The following DIPK2B variants were observed in gnomAD, a reference collection of about 807,000 sequenced individuals.
DIPK2B encodes divergent protein kinase domain 2B, also known as UPF0672 protein CXorf36.
In DIPK2B, 15 loss-of-function variants were observed where a neutral mutation model predicts 22.2. That is an observed-to-expected ratio of 0.68 (90% CI 0.45 to 1.04). The LOEUF (loss-of-function observed/expected upper bound fraction) is 1.04, where lower values mean the gene tolerates loss of function less well. Ranked by LOEUF, DIPK2B falls within the 50% of genes least tolerant of loss-of-function variation. The pLI is 0.00. For missense variants in DIPK2B, 345 were observed against 348.3 expected (o/e 0.99, Z 0.08); for synonymous variants, 163 against 153.2 (o/e 1.06, Z -0.47).
rs2046956057 is a variant in DIPK2B at position 45,150,717 on chromosome X, C to T, written c.*935G>A. On this transcript the variant is annotated 3_prime_UTR_variant, in exon 5 of 5. Transcript: ENST00000398000. ...GGGCTCTTCTGATGGCTGCCTTTGTCTTGAGGACACCCTGACAGCCTTGCT... is the reference window on the plus strand; with the variant it reads ...GGGCTCTTCTGATGGCTGCCTTTGTTTTGAGGACACCCTGACAGCCTTGCT... The T allele has an allele frequency of 9.0e-6, 1 of 111,307 alleles. No individual in the cohort carries two copies. Among genetic ancestry groups the T allele is most frequent in the Non-Finnish European group, 1.9e-5 (1 of 53,012 alleles). The allele number at this position is 111,307 out of a possible 1,213,427, so 9.2% of individuals were successfully genotyped here. A position where few individuals can be genotyped will look rare whatever the true frequency, so the allele number is the denominator to read the frequency against.
intron 2 of DIPK2B, among the ~76,000 whole-genome samples, chrX:45,160,311 C>T (rs1240128784): frequency 9.1e-5 from 10 of 110,435 alleles, no homozygotes; most frequent in African/African-American, 3.3e-4. Flanking sequence ...AGGTTCAAGC[C>T]ATTCTCTTGG....
chrX:45,173,774 T>C (rs1039896695), intron 2 of DIPK2B, among the ~76,000 whole-genome samples: 1 of 109,897 alleles, frequency 9.1e-6, no homozygotes, highest in Admixed American at 9.8e-5. Flanking sequence ...TCTTGCTATG[T>C]TGCCCAGGCT....
chrX:45,167,572 C>A (rs1366942100), intron 2 of DIPK2B, among the ~76,000 whole-genome samples: 1 of 97,069 alleles, frequency 1.0e-5, no homozygotes, highest in Non-Finnish European at 2.1e-5. Context: ...AATTTTTTTT[C>A]TTTTACTAAA....
chrX:45,151,828 A>C lies in DIPK2B; in HGVS notation c.1126T>G (p.Ser376Ala). 2 of 1,211,685 alleles carry C rather than the reference A, an allele frequency of 1.7e-6. No individual in the cohort carries two copies. Among genetic ancestry groups the C allele is most frequent in the Non-Finnish European group, 2.2e-6 (2 of 895,338 alleles). Residue 376 changes from serine to alanine, a missense_variant, in exon 5 of 5, where the codon TCC (serine) becomes GCC (alanine). Coordinates refer to ENST00000398000, the MANE Select transcript of DIPK2B (RefSeq NM_176819.4). ...GAGTCTATGTCGTCTTGCACTGGGG[A>C]GGGGAACCTCCCCTGGAGAAGTCGA... ...LPRLLQGRFP[S>A]PVQDDIDSIL...
chrX:45,179,596 G>A (rs1251707947), intron 2 of DIPK2B, among the ~76,000 whole-genome samples: 3 of 111,655 alleles, frequency 2.7e-5, no homozygotes, highest in African/African-American at 9.7e-5. Flanking sequence ...AGACATTCTA[G>A]AAATGCAAAA....
intron 1 of DIPK2B, among the ~76,000 whole-genome samples, chrX:45,196,951 G>A (rs1411756247): frequency 8.9e-6 from 1 of 112,083 alleles, no homozygotes; most frequent in Admixed American, 9.4e-5. Context: ...GGCAGTATGT[G>A]ATTCATCCTT....
Position 45,200,740 on chromosome X carries a change from A to G in DIPK2B, c.87T>C (p.Ser29=), listed in dbSNP as rs145079112. The part of the protein sequence containing the change: ...LLLWVSALSC[S]FSLPASSLSS... Reference sequence around the variant, plus strand: ...AAAGGGAAGAAGCTGGCAAGGAGAAAGAACAGCTCAGGGCTGAGACCCACA... The same window carrying G: ...AAAGGGAAGAAGCTGGCAAGGAGAAGGAACAGCTCAGGGCTGAGACCCACA... The change falls in exon 1 of 5, where the codon TCT becomes TCC. Residue 29 remains serine (S), a synonymous_variant. Coordinates refer to ENST00000398000, the MANE Select transcript of DIPK2B (RefSeq NM_176819.4). 44 of 1,210,631 alleles carry G rather than the reference A, an allele frequency of 3.6e-5. No individual in the cohort carries two copies. Among genetic ancestry groups the G allele is most frequent in the Non-Finnish European group, 4.6e-5 (41 of 895,123 alleles).
chrX:45,180,997 G>A (rs1162325997), intron 2 of DIPK2B, among the ~76,000 whole-genome samples: 5 of 111,810 alleles, frequency 4.5e-5, no homozygotes, highest in Non-Finnish European at 9.4e-5. Context: ...ACTGTGGAAA[G>A]CAAAACCAGG....
In DIPK2B at chrX:45,200,773, G is replaced by GGCCA. The variant is rs748295828; in HGVS notation, c.50_53dup (p.Leu19GlyfsTer41). The GGCCA allele has an allele frequency of 8.3e-7, 1 of 1,209,016 alleles. No individual in the cohort carries two copies. The highest frequency in any genetic ancestry group is 3.0e-5 in the East Asian group (1 of 33,714). ...TCAGGGCTGAGACCCACAGCAGCAG[G>GGCCA]GCCAGCCAGCCAGGGCGGAGGGCGG... On this transcript the variant is annotated frameshift_variant, in exon 1 of 5. Coordinates refer to ENST00000398000, the MANE Select transcript of DIPK2B (RefSeq NM_176819.4). LOFTEE classifies it high-confidence loss of function.
In DIPK2B at chrX:45,154,118, T is replaced by A. The variant is rs1007682290; in HGVS notation, c.753A>T (p.Arg251Ser). The A allele has an allele frequency of 8.3e-7, 1 of 1,210,835 alleles. No individual in the cohort carries two copies. The highest frequency in any genetic ancestry group is 1.1e-6 in the Non-Finnish European group (1 of 895,144). ...GTGCATCATAGAATTCCTGCAGCGG[T>A]CTGGTGCTGGTGCTGACGAGGAATC... ...CGRFLVSTST[R>S]PLQEFYDAPP... is the part of the protein sequence containing the mutation. Residue 251 changes from arginine (R) to serine (S), a missense_variant, in exon 4 of 5, where the codon AGA (arginine) becomes AGT (serine). Arg to Ser is a moderately radical substitution (Grantham distance 110). Coordinates refer to ENST00000398000, the MANE Select transcript of DIPK2B (RefSeq NM_176819.4).
At position 45,152,329 on chromosome X, in the gene DIPK2B, G is replaced by A. The variant is rs528523861; in HGVS notation, c.962-337C>T. Among the ~76,000 whole-genome samples, 92 of 105,635 alleles carry A rather than the reference G, an allele frequency of 8.7e-4. No individual in the cohort carries two copies. The South Asian group carries it at 0.03, about 34-fold the overall frequency. 91.7% of individuals were successfully genotyped at this position (105,635 alleles called of 115,157 possible). On this transcript the variant is annotated intron_variant, in intron 4 of 4. Transcript: ENST00000398000. Reference sequence around the variant, plus strand: ...GCCAAGATTGCACCACTGCACTCCAGCCTGGGTGACAGAGCGAAAAGCCAT... The same window carrying A: ...GCCAAGATTGCACCACTGCACTCCAACCTGGGTGACAGAGCGAAAAGCCAT...
At chrX:45,183,433 T>C (rs941413483) in intron 2 of DIPK2B, 1 of 112,241 alleles carries the variant, frequency 8.9e-6, no homozygotes, top group African/African-American at 3.2e-5. Flanking sequence ...AGAAAAGGCA[T>C]GAAAATCCAT....
chrX:45,166,820 TAAG>T (rs2047051435), intron 2 of DIPK2B, among the ~76,000 whole-genome samples: 2 of 112,491 alleles, frequency 1.8e-5, no homozygotes, highest in South Asian at 3.7e-4. Flanking sequence ...CCCGTCTCAG[TAAG>T]AAGGTTTTCC....
At chrX:45,173,825 C>A (rs2047101061) in intron 2 of DIPK2B, among the ~76,000 whole-genome samples, 1 of 110,905 alleles carries the variant, frequency 9.0e-6, no homozygotes, top group Non-Finnish European at 1.9e-5. Context: ...CCCGCCTTGG[C>A]CTCCCAAAGT....
intron 2 of DIPK2B, among the ~76,000 whole-genome samples, chrX:45,158,666 C>T (rs1184404775): frequency 5.4e-5 from 6 of 111,253 alleles, no homozygotes; most frequent in Admixed American, 1.9e-4. Context: ...AAGAACAAGG[C>T]CCTGAGGCCA....
At chrX:45,157,951 G>A (rs1347409090) in intron 2 of DIPK2B, 63 bp from the exon 3 acceptor site, 6 of 657,249 alleles carry the variant, frequency 9.1e-6, no homozygotes, top group African/African-American at 2.6e-5. Flanking sequence ...CTTGTGGGGG[G>A]TTAGCAGGAG....
intron 2 of DIPK2B, among the ~76,000 whole-genome samples, chrX:45,181,975 G>T (rs895889616): frequency 9.1e-6 from 1 of 109,463 alleles, no homozygotes. Flanking sequence ...TACTTGGGAG[G>T]CTGAAGGCAG....
intron 2 of DIPK2B, among the ~76,000 whole-genome samples, chrX:45,176,868 A>G (rs2047121539): frequency 9.0e-6 from 1 of 111,517 alleles, no homozygotes. Context: ...GGAGAGATCA[A>G]TCTCTGAAGA....
intron 2 of DIPK2B, among the ~76,000 whole-genome samples, chrX:45,178,725 C>A (rs927960510): frequency 9.0e-6 from 1 of 111,500 alleles, no homozygotes; most frequent in African/African-American, 3.3e-5. Flanking sequence ...GTAAAAATTT[C>A]CCTCAGGTCC....
Sources: gnomAD v4.1 joint callset for allele counts (sites outside exome capture counted in the v4.1 genomes callset) on GRCh38, gnomAD v4.1.1 for gene constraint, MANE v1.5 for transcripts, NCBI Gene and HGNC (gene_info 2026-07-23, HGNC 2026-07-21) for gene names.